The following ATAD5 variants were observed in gnomAD, a reference collection of about 807,000 sequenced individuals.
The protein encoded by ATAD5 is ATPase family AAA domain containing 5, also known as ATPase family AAA domain-containing protein 5.
Under a neutral mutation model 176.9 loss-of-function variants are expected in ATAD5, and 58 were observed. The ratio of observed to expected loss-of-function variants is 0.33; its 90% confidence interval spans 0.27 to 0.41. ATAD5 has a LOEUF of 0.41. Among genes scored for constraint, ATAD5 ranks in the 10% least tolerant of loss-of-function variants. ATAD5 has a pLI of 1.00. For synonymous variants in ATAD5, 640 were observed against 712.6 expected, an observed-to-expected ratio of 0.90 and a Z score of 1.62; for missense variants, 1,789 against 2,094.1, an observed-to-expected ratio of 0.85 and a Z score of 2.84.
At chr17:30,846,910 G>T (rs1028203102) in intron 6 of ATAD5, among the ~76,000 whole-genome samples, 1 of 151,444 alleles carries the variant, frequency 6.6e-6, no homozygotes, top group Non-Finnish European at 1.5e-5. Flanking sequence ...GTAGAGATGG[G>T]GTTTTTCCAT....
intron 10 of ATAD5, chr17:30,864,329 TAAAA>T (rs1318583006): frequency 6.6e-6 from 1 of 151,800 alleles, no homozygotes; most frequent in African/African-American, 2.4e-5. Context: ...CCTCATCTCT[TAAAA>T]AAAGAAAAAA....
intron 14 of ATAD5, among the ~76,000 whole-genome samples, chr17:30,873,878 G>T (rs1271106938): frequency 6.6e-6 from 1 of 151,876 alleles, no homozygotes; most frequent in Non-Finnish European, 1.5e-5. Flanking sequence ...TTTAAAACCA[G>T]TCTTTGGGCC....
chr17:30,833,003 T>C (rs1332883333), intron 1 of ATAD5, among the ~76,000 whole-genome samples: 1 of 152,194 alleles, frequency 6.6e-6, no homozygotes, highest in Non-Finnish European at 1.5e-5. Context: ...TGCCATGAAG[T>C]AGTGGGCTAG....
chr17:30,840,188 A>G (rs1437484164), intron 3 of ATAD5, among the ~76,000 whole-genome samples: 3 of 127,248 alleles, frequency 2.4e-5, no homozygotes, highest in Non-Finnish European at 4.8e-5. Context: ...GCAGAGCTAG[A>G]CTCTGTTAAA....
At chr17:30,858,023 C>A in intron 8 of ATAD5, 138 bp from the exon 9 acceptor site, 1 of 668,942 alleles carries the variant, frequency 1.5e-6, no homozygotes, top group Non-Finnish European at 2.2e-6. Flanking sequence ...GGAATATAGG[C>A]GTGAGCCACC....
At position 30,895,049 on chromosome 17, in the gene ATAD5, G is replaced by T; in HGVS notation, c.*136G>T. 1.8e-6 allele frequency: 1 copy of T among 543,822 alleles called. No individual in the cohort carries two copies. Among genetic ancestry groups the T allele is most frequent in the Non-Finnish European group, 2.9e-6 (1 of 340,846 alleles). 33.7% of individuals were successfully genotyped at this position (543,822 alleles called of 1,614,324 possible). ...AAACAATTTGTATATTTTTTTATTG[G>T]CGGGTAAATATTTAAAATATTTGAG... On this transcript the variant is annotated 3_prime_UTR_variant, in exon 23 of 23. Transcript: ENST00000321990.
chr17:30,885,916 T>C (rs1291159621), intron 18 of ATAD5, among the ~76,000 whole-genome samples: 2 of 152,134 alleles, frequency 1.3e-5, no homozygotes, highest in African/African-American at 4.8e-5. Context: ...GCCCCCAGGC[T>C]ATTCCAATTT....
At chr17:30,894,483 A>G (rs1909810857) in intron 21 of ATAD5, 81 bp from the exon 22 acceptor site, 1 of 1,386,830 alleles carries the variant, frequency 7.2e-7, no homozygotes, top group African/African-American at 1.4e-5. Flanking sequence ...ACCAGAGGCA[A>G]GGAAACTAAA....
chr17:30,878,727 T>TTTTG (rs1567696525), intron 17 of ATAD5, among the ~76,000 whole-genome samples: 50 of 94,396 alleles, frequency 5.3e-4, no homozygotes, highest in African/African-American at 1.7e-3. Context: ...TGTTTTTTTT[T>TTTTG]TTTTTTTTTT....
chr17:30,890,418 CTTTT>C (rs968126768), intron 19 of ATAD5, among the ~76,000 whole-genome samples: 4 of 106,714 alleles, frequency 3.7e-5, no homozygotes, highest in South Asian at 5.6e-4. Flanking sequence ...CTCTTCTTTT[CTTTT>C]TTTTTTTTTT....
intron 6 of ATAD5, among the ~76,000 whole-genome samples, chr17:30,848,203 G>C (rs1037585946): frequency 6.6e-6 from 1 of 151,942 alleles, no homozygotes; most frequent in African/African-American, 2.4e-5. Context: ...CAATGTATAA[G>C]CGTTCTGGTA....
At chr17:30,886,172 CT>C (rs910083843) in intron 18 of ATAD5, among the ~76,000 whole-genome samples, 76 of 136,632 alleles carry the variant, frequency 5.6e-4, no homozygotes, top group Admixed American at 7.4e-4. Flanking sequence ...TAACTTTTTT[CT>C]TTTTTTTTTT....
chr17:30,850,828 TATTTTTATATATA>T (rs1567683449), intron 6 of ATAD5, among the ~76,000 whole-genome samples: 6 of 36,884 alleles, frequency 1.6e-4, no homozygotes, highest in Non-Finnish European at 2.6e-4. Flanking sequence ...TATATTTATA[TATTTTTATATATA>T]TATATATATA....
At chr17:30,850,851 A>T (rs1461829465) in intron 6 of ATAD5, among the ~76,000 whole-genome samples, 1 of 47,876 alleles carries the variant, frequency 2.1e-5, no homozygotes, top group African/African-American at 6.1e-5. Context: ...ATATATATAT[A>T]TATATATATA....
At chr17:30,867,033 AG>A (rs1249880340) in intron 11 of ATAD5, among the ~76,000 whole-genome samples, 1 of 151,880 alleles carries the variant, frequency 6.6e-6, no homozygotes, top group Non-Finnish European at 1.5e-5. Context: ...TACTGTTCTA[AG>A]TACTTGTATT....
rs1303469265 is a variant in ATAD5, at chr17:30,869,339, A to G, written c.3405A>G (p.Gly1135=). The change falls in exon 13 of 23, where the codon GGA becomes GGG. Residue 1135 remains glycine, a synonymous_variant. Coordinates refer to ENST00000321990, the MANE Select transcript of ATAD5 (RefSeq NM_024857.5). ...CTGTCCTTATAACAGGGCCAACAGG[A>G]GTGGGAAAAACTGCTGCAGTGTATG... The part of the protein sequence containing the change: ...CNTVLITGPT[G]VGKTAAVYAC... 6.2e-7 allele frequency: 1 copy of G among 1,614,108 alleles called. No individual in the cohort carries two copies. The highest frequency in any genetic ancestry group is 8.5e-7 in the Non-Finnish European group (1 of 1,180,012).
At chr17:30,877,704 A>G (rs1908752302) in intron 16 of ATAD5, among the ~76,000 whole-genome samples, 155 bp downstream of exon 16, 1 of 152,184 alleles carries the variant, frequency 6.6e-6, no homozygotes, top group Non-Finnish European at 1.5e-5. Context: ...TGTCCACTCT[A>G]GAATAATTTT....
At chr17:30,894,447 T>A in intron 21 of ATAD5, 117 bp from the exon 22 acceptor site, 1 of 1,020,772 alleles carries the variant, frequency 9.8e-7, no homozygotes, top group Non-Finnish European at 1.4e-6. Flanking sequence ...GACAGGAAAT[T>A]AATCTGGAAA....
chr17:30,880,669 A>G (rs551016202), intron 18 of ATAD5, among the ~76,000 whole-genome samples: 3 of 152,122 alleles, frequency 2.0e-5, no homozygotes, highest in East Asian at 3.9e-4. Context: ...GAATATGTTA[A>G]AATTTTTAAG....
Sources: gnomAD v4.1 joint callset for allele counts (sites outside exome capture counted in the v4.1 genomes callset) on GRCh38, gnomAD v4.1.1 for gene constraint, MANE v1.5 for transcripts, NCBI Gene and HGNC (gene_info 2026-07-23, HGNC 2026-07-21) for gene names.